Variants in DIP2B observed in about 807,000 individuals in gnomAD.
The protein encoded by DIP2B is disco-interacting protein 2 homolog B.
DIP2B carries 76 observed loss-of-function variants against 198.0 expected under a neutral mutation model. The observed-to-expected ratio is 0.38, with a 90% CI of 0.32 to 0.46. DIP2B has a LOEUF of 0.46. DIP2B is among the 20% of genes least tolerant of loss of function. DIP2B has a pLI of 0.99. For synonymous variants in DIP2B, 701 were observed against 739.1 expected (o/e 0.95, Z 0.84); for missense variants, 1,559 against 1,978.4 (o/e 0.79, Z 4.02).
chr12:50,652,886 G>A lies in DIP2B; in HGVS notation c.302-7308G>A, dbSNP rs551565762. On this transcript the variant is annotated intron_variant, in intron 3 of 37. Transcript: ENST00000301180. ...GTTCTTTTTGATGTTATTATAAATGGCATTATTTTCTTAATTTTCTTTTCA... is the reference window on the plus strand; with the variant it reads ...GTTCTTTTTGATGTTATTATAAATGACATTATTTTCTTAATTTTCTTTTCA... 4.6e-5 allele frequency among the ~76,000 whole-genome samples: 7 copies of A among 150,788 alleles called. No individual in the cohort carries two copies. The East Asian group carries it at 9.7e-4, about 21-fold the overall frequency.
intron 1 of DIP2B, among the ~76,000 whole-genome samples, chr12:50,540,274 AT>A (rs1386868974): frequency 2.1e-5 from 3 of 145,550 alleles, no homozygotes; most frequent in East Asian, 3.9e-4. Context: ...CACCAGGCTG[AT>A]TTTTTTTGTA....
At position 50,623,110 on chromosome 12, in the gene DIP2B, G is replaced by A. The variant is rs1022526063; in HGVS notation, c.101-2866G>A. Among the ~76,000 whole-genome samples the A allele has an allele frequency of 2.0e-4, 31 of 152,072 alleles. 1 individual carries two copies. The highest frequency in any genetic ancestry group is 7.0e-4 in the African/African-American group (29 of 41,402). On this transcript the variant is annotated intron_variant, in intron 1 of 37. Transcript: ENST00000301180. ...CTACTAAAGTATATAAAACAGGCCA[G>A]GTGTGGCTCACACCTGTAATTCTAG...
chr12:50,625,021 G>T (rs2139468329), intron 1 of DIP2B, among the ~76,000 whole-genome samples: 1 of 152,290 alleles, frequency 6.6e-6, no homozygotes, highest in Non-Finnish European at 1.5e-5. Context: ...AATGTTTAAA[G>T]TACTTTTAAT....
intron 35 of DIP2B, among the ~76,000 whole-genome samples, chr12:50,738,285 C>T (rs765252222): frequency 6.6e-5 from 10 of 151,984 alleles, no homozygotes; most frequent in Non-Finnish European, 1.3e-4. Context: ...GCCGAGATCA[C>T]GTCACTGCAC....
At chr12:50,597,763 A>G (rs902363563) in intron 1 of DIP2B, among the ~76,000 whole-genome samples, 3 of 152,220 alleles carry the variant, frequency 2.0e-5, no homozygotes, top group African/African-American at 4.8e-5. Context: ...GAGTGCTTTA[A>G]TAGTATTTTA....
intron 20 of DIP2B, 26 bp from the exon 21 acceptor site, chr12:50,706,512 C>T (rs1201818191): frequency 6.2e-7 from 1 of 1,609,448 alleles, no homozygotes; most frequent in Non-Finnish European, 8.5e-7. Flanking sequence ...TCATGGAAAT[C>T]AAGGTAAATC....
chr12:50,702,772 G>T (rs999109127), intron 19 of DIP2B, among the ~76,000 whole-genome samples: 1 of 146,562 alleles, frequency 6.8e-6, no homozygotes, highest in East Asian at 2.0e-4. Context: ...GGGGTGGGGA[G>T]CAGCTATCAG....
Position 50,662,803 on chromosome 12 carries a change from T to G in DIP2B, c.427+2484T>G, listed in dbSNP as rs371880815. On this transcript the variant is annotated intron_variant, in intron 4 of 37. Coordinates refer to ENST00000301180, the MANE Select transcript of DIP2B (RefSeq NM_173602.3). ...AAAGTCTTTAAAAAAAAAATGAGCT[T>G]CTGGCCAGCTACCAAAGTGACCTAA... is the stretch of plus-strand genomic sequence containing the variant. 1.4e-4 allele frequency among the ~76,000 whole-genome samples: 21 copies of G among 152,202 alleles called. No individual in the cohort carries two copies. The East Asian group carries it at 3.3e-3, about 24-fold the overall frequency.
At chr12:50,539,615 T>C (rs1385421688) in intron 1 of DIP2B, among the ~76,000 whole-genome samples, 1 of 33,810 alleles carries the variant, frequency 3.0e-5, no homozygotes, top group Non-Finnish European at 7.3e-5. Flanking sequence ...AAATACTCTG[T>C]CTCAAAAAAA....
chr12:50,596,640 G>A (rs1210871485), intron 1 of DIP2B, among the ~76,000 whole-genome samples: 1 of 152,128 alleles, frequency 6.6e-6, no homozygotes, highest in Non-Finnish European at 1.5e-5. Flanking sequence ...CTGAGACAGT[G>A]GATTACTTGA....
intron 1 of DIP2B, among the ~76,000 whole-genome samples, chr12:50,518,033 A>G (rs1400524517): frequency 6.6e-6 from 1 of 152,206 alleles, no homozygotes; most frequent in African/African-American, 2.4e-5. Context: ...TGCTGAATAC[A>G]TAGCTCCTAT....
At chr12:50,536,095 T>C (rs1958263461) in intron 1 of DIP2B, among the ~76,000 whole-genome samples, 1 of 151,768 alleles carries the variant, frequency 6.6e-6, no homozygotes, top group African/African-American at 2.4e-5. Context: ...ATCCAGTCTA[T>C]CATTGTTGGA....
At chr12:50,694,509 ATACATACATACATACATACATAC>A (rs1592131235) in intron 14 of DIP2B, among the ~76,000 whole-genome samples, 4 of 24,974 alleles carry the variant, frequency 1.6e-4, no homozygotes, top group Admixed American at 7.5e-4. Flanking sequence ...AAATAAATAC[ATACATACATACATACATACATAC>A]ATACATACAT....
intron 1 of DIP2B, among the ~76,000 whole-genome samples, chr12:50,584,481 C>A (rs1958752708): frequency 1.3e-5 from 2 of 152,216 alleles, no homozygotes; most frequent in African/African-American, 2.4e-5. Flanking sequence ...TGATTGGTTT[C>A]TGTGCTTCCA....
At chr12:50,545,553 T>A (rs1319245323) in intron 1 of DIP2B, among the ~76,000 whole-genome samples, 2 of 149,806 alleles carry the variant, frequency 1.3e-5, no homozygotes, top group Non-Finnish European at 3.0e-5. Context: ...TTAAAAAAAA[T>A]TTTTTTACAG....
At position 50,741,399 on chromosome 12, in the gene DIP2B, CTT is replaced by C; in HGVS notation, c.4355-13_4355-12del. On this transcript the variant is annotated splice_polypyrimidine_tract_variant and intron_variant, in intron 36 of 37. Transcript: ENST00000301180. ...GTATATGTCCAAGCCACATTTCTCT[CTT>C]TTTCTTTCTGTCAGAGCGTCATGAT... The C allele has an allele frequency of 1.9e-6, 3 of 1,612,520 alleles. No individual in the cohort carries two copies. The highest frequency in any genetic ancestry group is 1.7e-4 in the Middle Eastern group (1 of 6,052).
chr12:50,668,600 T>C (rs998646286), intron 4 of DIP2B, among the ~76,000 whole-genome samples: 9 of 152,230 alleles, frequency 5.9e-5, no homozygotes, highest in Non-Finnish European at 1.0e-4. Context: ...CTGGTTTTAC[T>C]GTCTTTTTAA....
chr12:50,632,284 AG>A (rs1362556206), intron 2 of DIP2B, among the ~76,000 whole-genome samples: 1 of 151,876 alleles, frequency 6.6e-6, no homozygotes, highest in Non-Finnish European at 1.5e-5. Context: ...GTTCAAGACC[AG>A]CCTGACCAAC....
chr12:50,644,307 T>C (rs1938312192), intron 3 of DIP2B, among the ~76,000 whole-genome samples: 1 of 152,180 alleles, frequency 6.6e-6, no homozygotes, highest in Non-Finnish European at 1.5e-5. Flanking sequence ...AATTAATGCC[T>C]GAGATGGAAA....
Sources: allele counts gnomAD v4.1 joint callset (sites outside exome capture counted in the v4.1 genomes callset), GRCh38; gene constraint gnomAD v4.1.1; transcripts MANE v1.5; gene names NCBI Gene and HGNC (gene_info 2026-07-23, HGNC 2026-07-21).